GGTA1: variants seen among roughly 807,000 people sequenced by gnomAD.
The protein encoded by GGTA1 is inactive N-acetyllactosaminide alpha-1,3-galactosyltransferase.
A neutral mutation model predicts 2.6 loss-of-function variants in GGTA1; 5 were observed. The ratio of observed to expected loss-of-function variants is 1.92; its 90% CI spans 1.00 to 4.04. GGTA1 has a LOEUF of 4.04. GGTA1 is among the 30% of genes most tolerant of loss of function. GGTA1 has a pLI of 0.00. For missense variants in GGTA1, 50 were observed against 16.7 expected, an observed-to-expected ratio of 2.99 and a Z score of -3.47; for synonymous variants, 17 against 5.0, an observed-to-expected ratio of 3.38 and a Z score of -3.19.
chr9:121,464,324 G>GTTTTTTTTTT (rs10681377), intron 2 of GGTA1, among the ~76,000 whole-genome samples: 1 of 111,878 alleles, frequency 8.9e-6, no homozygotes. Flanking sequence ...CCTCCTTGAG[G>GTTTTTTTTTT]TTTTTTTTTT....
At chr9:121,453,835 T>A (rs2064891404), downstream of GGTA1, among the ~76,000 whole-genome samples, 1 of 152,160 alleles carries the variant, frequency 6.6e-6, no homozygotes, top group Admixed American at 6.5e-5. Flanking sequence ...ATAGTACAGC[T>A]GGGTCATCCC....
chr9:121,494,523 G>C (rs962639358), intron 1 of GGTA1: 1 of 152,278 alleles, frequency 6.6e-6, no homozygotes, highest in African/African-American at 2.4e-5. Flanking sequence ...TGGGTTGCCA[G>C]GCATGGTGGC....
downstream of GGTA1, among the ~76,000 whole-genome samples, chr9:121,453,058 A>G (rs546259277): frequency 1.3e-5 from 2 of 152,348 alleles, no homozygotes; most frequent in Admixed American, 6.5e-5. Context: ...TAGATTAGAA[A>G]GAGAAAAAGC....
At chr9:121,474,285 A>C (rs1051206086) in intron 1 of GGTA1, among the ~76,000 whole-genome samples, 3 of 152,142 alleles carry the variant, frequency 2.0e-5, no homozygotes, top group African/African-American at 7.2e-5. Context: ...CTCTGAATCC[A>C]TCCTATGGCC....
intron 2 of GGTA1, among the ~76,000 whole-genome samples, chr9:121,465,085 G>T (rs1458882204): frequency 6.6e-6 from 1 of 151,950 alleles, no homozygotes; most frequent in African/African-American, 2.4e-5. Context: ...ATCAGAGGAT[G>T]TTGTGGCCAG....
At chr9:121,490,682 G>C (rs968382760) in intron 1 of GGTA1, among the ~76,000 whole-genome samples, 6 of 152,234 alleles carry the variant, frequency 3.9e-5, no homozygotes, top group Non-Finnish European at 5.9e-5. Flanking sequence ...ACAGCAGCAA[G>C]AGCTAGAATT....
chr9:121,450,008 C>T (rs984707091), intron 7 of GGTA1, among the ~76,000 whole-genome samples: 5 of 152,056 alleles, frequency 3.3e-5, no homozygotes, highest in African/African-American at 9.7e-5. Flanking sequence ...CCTAAACACA[C>T]GTGGACTGAA....
At chr9:121,484,383 G>A (rs762737198) in intron 1 of GGTA1, among the ~76,000 whole-genome samples, 3 of 151,212 alleles carry the variant, frequency 2.0e-5, no homozygotes, top group Non-Finnish European at 2.9e-5. Flanking sequence ...TTTTTGAGAC[G>A]GAGTCTCGCT....
At chr9:121,450,531 G>A (rs2064873535), downstream of GGTA1, among the ~76,000 whole-genome samples, 1 of 152,210 alleles carries the variant, frequency 6.6e-6, no homozygotes, top group Non-Finnish European at 1.5e-5. Flanking sequence ...GCTGAGGGCA[G>A]AATGCTTTCA....
At chr9:121,479,037 C>A in intron 1 of GGTA1, 3 of 456,278 alleles carry the variant, frequency 6.6e-6, no homozygotes, top group South Asian at 4.6e-5. Flanking sequence ...TGAGGTCCTA[C>A]CAGGGGAGCA....
intron 1 of GGTA1, among the ~76,000 whole-genome samples, chr9:121,471,001 G>A (rs1018974342): frequency 1.3e-5 from 2 of 152,108 alleles, no homozygotes; most frequent in African/African-American, 4.8e-5. Context: ...CCCCTTGGGC[G>A]GTTACAAGGT....
chr9:121,489,939 TC>T (rs1381370480), intron 1 of GGTA1, among the ~76,000 whole-genome samples: 19 of 152,236 alleles, frequency 1.2e-4, no homozygotes, highest in African/African-American at 4.1e-4. Context: ...AGAACTACTT[TC>T]TTTAACAGTA....
At position 121,476,348 on chromosome 9, in the gene GGTA1, C is replaced by T. The variant is rs900038910; in HGVS notation, c.-9-8417G>A. 5.3e-5 allele frequency among the ~76,000 whole-genome samples: 8 copies of T among 152,134 alleles called. 1 individual carries two copies. Among genetic ancestry groups the T allele is most frequent in the Admixed American group, 4.6e-4 (7 of 15,280 alleles). On this transcript the variant is annotated intron_variant, in intron 1 of 5. Coordinates refer to ENST00000481799, the MANE Select transcript of GGTA1 (RefSeq NM_001382585.1). This position sits in a 1 kb window ranked among gnomAD's most constrained non-coding sequence, Gnocchi z 4.6. ...CACCCCTGCCTCACCCTGTCCCCAG[C>T]CTTGTCATAGTCCTGCAGGTCAGCC... is the stretch of plus-strand genomic sequence containing the variant.
chr9:121,471,272 C>T (rs747591723), intron 1 of GGTA1, among the ~76,000 whole-genome samples: 2 of 151,938 alleles, frequency 1.3e-5, no homozygotes, highest in Admixed American at 6.5e-5. Flanking sequence ...TGTCTATTCA[C>T]GTTGCTGTAC....
chr9:121,481,046 G>A (rs989402891), intron 1 of GGTA1, among the ~76,000 whole-genome samples: 3 of 151,318 alleles, frequency 2.0e-5, no homozygotes, highest in Admixed American at 6.6e-5. Flanking sequence ...CCAGCAACTC[G>A]GGAGGCTGAG....
intron 1 of GGTA1, among the ~76,000 whole-genome samples, chr9:121,487,154 G>A (rs1174562806): frequency 4.6e-5 from 7 of 152,306 alleles, no homozygotes; most frequent in Middle Eastern, 3.4e-3. Flanking sequence ...CAAAGGAAGA[G>A]TCCTCAGCCC....
intron 1 of GGTA1, among the ~76,000 whole-genome samples, chr9:121,475,578 C>A (rs1828493808): frequency 6.6e-6 from 1 of 152,120 alleles, no homozygotes. Context: ...TGAGGCACTC[C>A]AGTTCTGCTC....
chr9:121,466,953 CAA>C (rs397894554), intron 2 of GGTA1, among the ~76,000 whole-genome samples: 22,053 of 99,700 alleles, frequency 0.22, 1,707 homozygotes, highest in Middle Eastern at 0.27. Flanking sequence ...GACTCTGTCT[CAA>C]AAAAAAAAAA....
downstream of GGTA1, chr9:121,452,250 A>C (rs2064881782): frequency 6.6e-6 from 1 of 152,650 alleles, no homozygotes; most frequent in Non-Finnish European, 1.5e-5. Context: ...GGCGCCTTCC[A>C]TCTGGTCACT....
Sources: allele counts gnomAD v4.1 joint callset (sites outside exome capture counted in the v4.1 genomes callset), GRCh38; gene constraint gnomAD v4.1.1; non-coding constraint Gnocchi (gnomAD v3.1); transcripts MANE v1.5; gene names NCBI Gene and HGNC (gene_info 2026-07-23, HGNC 2026-07-21).